Variants in XPNPEP3 observed in about 807,000 individuals in gnomAD.
XPNPEP3 encodes the protein X-prolyl aminopeptidase 3, also known as xaa-Pro aminopeptidase 3.
Under a neutral mutation model 60.0 loss-of-function variants are expected in XPNPEP3, and 41 were observed. That is an observed-to-expected ratio of 0.68 (90% CI 0.53 to 0.89). The LOEUF (loss-of-function observed/expected upper bound fraction) is 0.89, where lower values mean the gene tolerates loss of function less well. Among genes scored for constraint, XPNPEP3 ranks in the 40% least tolerant of loss-of-function variants. The pLI, the probability that XPNPEP3 is intolerant of heterozygous loss-of-function variation, is 0.00. For missense variants in XPNPEP3, 598 were observed against 638.9 expected, an observed-to-expected ratio of 0.94 and a Z score of 0.69; for synonymous variants, 212 against 223.2, an observed-to-expected ratio of 0.95 and a Z score of 0.45.
intron 4 of XPNPEP3, among the ~76,000 whole-genome samples, chr22:40,894,657 C>T (rs147292127): frequency 4.6e-5 from 7 of 152,246 alleles, no homozygotes; most frequent in African/African-American, 1.2e-4. Flanking sequence ...TTGTTCAGTG[C>T]GTCACTGGCT....
intron 2 of XPNPEP3, among the ~76,000 whole-genome samples, chr22:40,869,487 T>C (rs1469453435): frequency 3.9e-5 from 6 of 152,210 alleles, no homozygotes; most frequent in Non-Finnish European, 5.9e-5. Flanking sequence ...AATTGTATAC[T>C]ATTGTGAATT....
At position 40,861,616 on chromosome 22, in the gene XPNPEP3, A is replaced by C. The variant is rs114955641; in HGVS notation, c.64+4371A>C. On this transcript the variant is annotated intron_variant, in intron 1 of 9. Transcript: ENST00000357137. ...CCTGCATCTCTGTTTCTGTTTCCATAGGAGCTTCCTGGACGATTTAACAGG... is the reference window on the plus strand; with the variant it reads ...CCTGCATCTCTGTTTCTGTTTCCATCGGAGCTTCCTGGACGATTTAACAGG... 2,704 of 1,613,190 alleles carry C rather than the reference A, an allele frequency of 1.7e-3. 37 individuals are homozygous for C. In the African/African-American group the frequency reaches 0.032, roughly 19 times the overall value.
At chr22:40,917,678 C>T (rs1417080233) in intron 7 of XPNPEP3, 1 of 149,836 alleles carries the variant, frequency 6.7e-6, no homozygotes, top group East Asian at 2.0e-4. Context: ...ATGACTTGAG[C>T]CCAGGAGTTC....
In XPNPEP3 at chr22:40,886,421, T is replaced by C; in HGVS notation, c.698T>C (p.Val233Ala). The change falls in exon 4 of 10, where the codon GTT becomes GCT. Residue 233 changes from valine to alanine, a missense_variant. Transcript: ENST00000357137. ...GCCAAAGCCAAGAGCAAGAACAAGG[T>C]TCGGGGTGTTCAGCAGCTGATACAG... Reference protein sequence around the residue: ...TEAKAKSKNKVRGVQQLIQRL... With the variant: ...TEAKAKSKNKARGVQQLIQRL... 1 of 1,614,078 alleles carries C rather than the reference T, an allele frequency of 6.2e-7. No individual in the cohort carries two copies. The highest frequency in any genetic ancestry group is 8.5e-7 in the Non-Finnish European group (1 of 1,180,004).
At chr22:40,913,243 G>A (rs1435031583) in intron 6 of XPNPEP3, among the ~76,000 whole-genome samples, 2 of 152,030 alleles carry the variant, frequency 1.3e-5, no homozygotes, top group Non-Finnish European at 2.9e-5. Flanking sequence ...GGCCGAGGCA[G>A]GCGGATTATG....
chr22:40,860,040 T>C (rs1458022423), intron 1 of XPNPEP3: 2 of 152,218 alleles, frequency 1.3e-5, no homozygotes, highest in Non-Finnish European at 2.9e-5. Context: ...TAAAATATAC[T>C]ACATAAAATT....
rs1244596822 is a variant in XPNPEP3, at chr22:40,927,215, T to A, written c.*780T>A. ...CAGGGCTGGGCACAGCGGTTCCGCC[T>A]GTAATCCCAGCACTTTGGGAGGTCC... On this transcript the variant is annotated 3_prime_UTR_variant, in exon 10 of 10. Transcript: ENST00000357137. 6.6e-6 allele frequency: 1 copy of A among 152,454 alleles called. No homozygotes were observed. 9.4% of individuals were successfully genotyped at this position (152,454 alleles called of 1,614,324 possible). A position where few individuals can be genotyped will look rare whatever the true frequency, so the allele number is the denominator to read the frequency against.
At chr22:40,890,091 T>G (rs1407781174) in intron 4 of XPNPEP3, among the ~76,000 whole-genome samples, 1 of 152,212 alleles carries the variant, frequency 6.6e-6, no homozygotes, top group African/African-American at 2.4e-5. Context: ...CCAACAGGAC[T>G]TTAATTCAGT....
chr22:40,905,811 T>C (rs1377838646), intron 4 of XPNPEP3, among the ~76,000 whole-genome samples: 1 of 152,012 alleles, frequency 6.6e-6, no homozygotes. Context: ...CTTTTTTTTT[T>C]AGACAGAGTC....
chr22:40,887,876 C>T (rs1395732210), intron 4 of XPNPEP3, among the ~76,000 whole-genome samples: 1 of 151,806 alleles, frequency 6.6e-6, no homozygotes, highest in East Asian at 1.9e-4. Flanking sequence ...TCCCAAAACT[C>T]CCTATTTCAT....
chr22:40,862,581 G>A, intron 1 of XPNPEP3: 5 of 985,458 alleles, frequency 5.1e-6, no homozygotes, highest in Non-Finnish European at 6.0e-6. Flanking sequence ...GGAAGTACTG[G>A]ATGCTAAACA....
chr22:40,932,758 C>T lies in XPNPEP3; in HGVS notation c.*6323C>T, dbSNP rs2058259134. On this transcript the variant is annotated 3_prime_UTR_variant, in exon 10 of 10. Coordinates refer to ENST00000357137, the MANE Select transcript of XPNPEP3 (RefSeq NM_022098.4). ...AACTGAAAATAGTTACGTCATTGCC[C>T]ATCAAGGGAAAAGCACTTGTAACTG... 1.3e-5 allele frequency: 2 copies of T among 151,972 alleles called. No individual in the cohort carries two copies. The highest frequency in any genetic ancestry group is 2.9e-5 in the Non-Finnish European group (2 of 68,006). The allele number at this position is 151,972 out of a possible 1,614,324, so 9.4% of individuals were successfully genotyped here.
At chr22:40,906,554 G>A (rs1480360987) in intron 4 of XPNPEP3, among the ~76,000 whole-genome samples, 1 of 152,106 alleles carries the variant, frequency 6.6e-6, no homozygotes, top group Admixed American at 6.6e-5. Flanking sequence ...GTAGTGTCCT[G>A]TTGTCACAAT....
At chr22:40,894,354 CA>C (rs2058100093) in intron 4 of XPNPEP3, among the ~76,000 whole-genome samples, 1 of 152,178 alleles carries the variant, frequency 6.6e-6, no homozygotes, top group Non-Finnish European at 1.5e-5. Context: ...CCCTTAGCAA[CA>C]ACCTTGCCTT....
chr22:40,860,996 T>C (rs966522762), intron 1 of XPNPEP3: 10 of 1,415,276 alleles, frequency 7.1e-6, no homozygotes, highest in Admixed American at 4.5e-5. Flanking sequence ...TTAAGTGTTA[T>C]CTACAAAATT....
At chr22:40,919,814 A>G (rs1008631841) in intron 7 of XPNPEP3, among the ~76,000 whole-genome samples, 6 of 152,238 alleles carry the variant, frequency 3.9e-5, no homozygotes, top group Non-Finnish European at 7.3e-5. Context: ...TGTTCATACA[A>G]TGGAATACCA....
chr22:40,900,500 G>A (rs2058127771), intron 4 of XPNPEP3, among the ~76,000 whole-genome samples: 1 of 152,014 alleles, frequency 6.6e-6, no homozygotes, highest in African/African-American at 2.4e-5. Flanking sequence ...CAGCTACTGG[G>A]GAGGCTGAGG....
intron 1 of XPNPEP3, among the ~76,000 whole-genome samples, chr22:40,866,765 T>A (rs1393908122): frequency 6.6e-6 from 1 of 152,238 alleles, no homozygotes; most frequent in Non-Finnish European, 1.5e-5. Flanking sequence ...AGACCTTTTT[T>A]AAAAATTTAC....
chr22:40,864,511 T>C (rs2057967754), intron 1 of XPNPEP3, among the ~76,000 whole-genome samples: 1 of 152,030 alleles, frequency 6.6e-6, no homozygotes, highest in Admixed American at 6.6e-5. Flanking sequence ...AATGGTGGGG[T>C]CTTGGCTCAC....
Sources: gnomAD v4.1 joint callset for allele counts (sites outside exome capture counted in the v4.1 genomes callset) on GRCh38, gnomAD v4.1.1 for gene constraint, MANE v1.5 for transcripts, NCBI Gene and HGNC (gene_info 2026-07-23, HGNC 2026-07-21) for gene names.